Variants in DCAF5 observed in about 807,000 individuals in gnomAD.
The protein encoded by DCAF5 is DDB1- and CUL4-associated factor 5.
A neutral mutation model predicts 80.7 loss-of-function variants in DCAF5; 9 were observed. That is an observed-to-expected ratio of 0.11 (90% confidence interval 0.07 to 0.19). The LOEUF (loss-of-function observed/expected upper bound fraction) is 0.19. Ranked by LOEUF, DCAF5 falls within the 10% of genes least tolerant of loss-of-function variation. The probability of loss-of-function intolerance (pLI) is 1.00; values close to 1 mark genes in which losing one functional copy is unlikely to be tolerated. For synonymous variants in DCAF5, 433 were observed against 461.9 expected (o/e 0.94, Z 0.80); for missense variants, 842 against 1,205.7 (o/e 0.70, Z 4.47).
chr14:69,152,158 C>T lies in DCAF5; in HGVS notation c.214+607G>A, dbSNP rs1333849924. Among the ~76,000 whole-genome samples, 40 of 152,212 alleles carry T rather than the reference C, an allele frequency of 2.6e-4. No homozygotes were observed. Among genetic ancestry groups the T allele is most frequent in the Admixed American group, 2.6e-3 (40 of 15,290 alleles). ...GAAGAGGCCACAACCGAACGAAAGG[C>T]GATGGTGCTGGGCCTCTAAGAGCGC... On this transcript the variant is annotated intron_variant, in intron 1 of 8. Coordinates refer to ENST00000341516, the MANE Select transcript of DCAF5 (RefSeq NM_003861.3). This position sits in a 1 kb window ranked among gnomAD's most constrained non-coding sequence, Gnocchi z 4.1.
chr14:69,088,652 T>G (rs1175999572), intron 6 of DCAF5, among the ~76,000 whole-genome samples: 1 of 152,234 alleles, frequency 6.6e-6, no homozygotes, highest in Non-Finnish European at 1.5e-5. Context: ...TCATCCATGT[T>G]CATTCCTATT....
chr14:69,051,483 A>G lies in DCAF5; in HGVS notation c.*2374T>C, dbSNP rs1185907015. On this transcript the variant is annotated 3_prime_UTR_variant, in exon 9 of 9. Transcript: ENST00000341516. ...CTCATGTGTGTGTCTTATGGGGCCT[A>G]TCACCCGGTAAGCTGAGCCTAGGAT... 1 of 152,210 alleles carries G rather than the reference A, an allele frequency of 6.6e-6. No individual in the cohort carries two copies. Among genetic ancestry groups the G allele is most frequent in the Non-Finnish European group, 1.5e-5 (1 of 68,032 alleles). The allele number at this position is 152,210 out of a possible 1,614,324, so 9.4% of individuals were successfully genotyped here. A position where few individuals can be genotyped will look rare whatever the true frequency, so the allele number is the denominator to read the frequency against.
chr14:69,102,382 C>T (rs769700654), intron 5 of DCAF5, among the ~76,000 whole-genome samples: 15 of 151,976 alleles, frequency 9.9e-5, no homozygotes, highest in Non-Finnish European at 2.2e-4. Flanking sequence ...GCTGGGATTA[C>T]GGGCATGAGC....
rs565353945 is a variant in DCAF5, at chr14:69,101,835, T to C, written c.666-9948A>G. Among the ~76,000 whole-genome samples, 10 of 152,314 alleles carry C rather than the reference T, an allele frequency of 6.6e-5. No homozygotes were observed. The South Asian group carries it at 2.1e-3, about 32-fold the overall frequency. On this transcript the variant is annotated intron_variant, in intron 5 of 8. Coordinates refer to ENST00000341516, the MANE Select transcript of DCAF5 (RefSeq NM_003861.3). ...CAACTGTAACACAATGGGTAAGTAT[T>C]TGTGTATCTAAACATTTAAAAGCCA...
chr14:69,142,140 A>T (rs917558552), intron 1 of DCAF5, among the ~76,000 whole-genome samples: 5 of 151,998 alleles, frequency 3.3e-5, no homozygotes, highest in Admixed American at 6.6e-5. Context: ...ACAAAAAAAA[A>T]TTTTTTTTAA....
At chr14:69,110,270 C>CTTTT (rs538619956) in intron 5 of DCAF5, among the ~76,000 whole-genome samples, 7 of 106,824 alleles carry the variant, frequency 6.6e-5, no homozygotes, top group Non-Finnish European at 9.4e-5. Flanking sequence ...TTTTCACTTA[C>CTTTT]TTTTTTTTTT....
In DCAF5 at chr14:69,138,059, T is replaced by C. The variant is rs530650120; in HGVS notation, c.214+14706A>G. Among the ~76,000 whole-genome samples, 9 of 151,826 alleles carry C rather than the reference T, an allele frequency of 5.9e-5. No homozygotes were observed. In the South Asian group the frequency reaches 8.3e-4, roughly 14 times the overall value. ...GTCTAAGGCAAAGCACACACTTGAGTCATCTGTGGCAGCAAGTGATATAAA... is the reference window on the plus strand; with the variant it reads ...GTCTAAGGCAAAGCACACACTTGAGCCATCTGTGGCAGCAAGTGATATAAA... On this transcript the variant is annotated intron_variant, in intron 1 of 8. Transcript: ENST00000341516.
chr14:69,125,089 A>G (rs1445213154), intron 1 of DCAF5, among the ~76,000 whole-genome samples: 1 of 152,182 alleles, frequency 6.6e-6, no homozygotes, highest in Non-Finnish European at 1.5e-5. Context: ...ATCACACAAT[A>G]AAGTCATTGA....
intron 5 of DCAF5, among the ~76,000 whole-genome samples, chr14:69,093,216 T>G (rs1296670159): frequency 6.6e-6 from 1 of 152,230 alleles, no homozygotes; most frequent in Non-Finnish European, 1.5e-5. Flanking sequence ...TTTGGAGCAC[T>G]GAATTACTGG....
intron 2 of DCAF5, among the ~76,000 whole-genome samples, chr14:69,119,629 C>T (rs2040647603): frequency 6.6e-6 from 1 of 151,298 alleles, no homozygotes; most frequent in Admixed American, 6.6e-5. Context: ...GTGGAAGAAT[C>T]GCTTGAGGTC....
intron 2 of DCAF5, among the ~76,000 whole-genome samples, chr14:69,121,526 G>A (rs1030290859): frequency 2.0e-5 from 3 of 152,196 alleles, no homozygotes; most frequent in Non-Finnish European, 2.9e-5. Flanking sequence ...TTATATAATT[G>A]GGTGAATGGT....
chr14:69,081,686 G>C (rs1260856662), intron 6 of DCAF5, among the ~76,000 whole-genome samples: 1 of 151,994 alleles, frequency 6.6e-6, no homozygotes, highest in Non-Finnish European at 1.5e-5. Context: ...AAAGATTACT[G>C]ACTGGTATTT....
intron 1 of DCAF5, among the ~76,000 whole-genome samples, chr14:69,142,193 G>A (rs865824444): frequency 1.3e-5 from 2 of 152,260 alleles, no homozygotes; most frequent in South Asian, 2.1e-4. Context: ...CCAGCTACTC[G>A]GGAGGCTGAG....
At chr14:69,128,116 T>C (rs540784380) in intron 1 of DCAF5, among the ~76,000 whole-genome samples, 2 of 152,152 alleles carry the variant, frequency 1.3e-5, no homozygotes, top group African/African-American at 4.8e-5. Flanking sequence ...GGATAGATGA[T>C]TAATATGGAC....
intron 3 of DCAF5, 126 bp downstream of exon 3, chr14:69,119,068 A>G (rs1427804942): frequency 4.6e-6 from 4 of 866,442 alleles, no homozygotes; most frequent in Non-Finnish European, 6.8e-6. Context: ...ATTTTTTTAG[A>G]AAAGAACAGC....
rs1455835554 is a variant in DCAF5, at chr14:69,091,822, T to C, written c.731A>G (p.Asn244Ser). The change falls in exon 6 of 9, where the codon AAC becomes AGC. Residue 244 changes from asparagine to serine, a missense_variant. Physicochemically the swap from Asn to Ser is conservative, Grantham distance 46. Around this residue, in one of 5 missense-constraint regions of DCAF5, gnomAD observed 142 missense variants for 311.9 expected, o/e 0.46. Coordinates refer to ENST00000341516, the MANE Select transcript of DCAF5 (RefSeq NM_003861.3). Reference sequence around the variant, plus strand: ...CCTCAGGGCCAGGAGCTGGGTCCCGTTGCTGTTGAATCGTACACTCATGGC... The same window carrying C: ...CCTCAGGGCCAGGAGCTGGGTCCCGCTGCTGTTGAATCGTACACTCATGGC... ...QSAMSVRFNS[N>S]GTQLLALRRR... 1.3e-5 allele frequency: 21 copies of C among 1,614,110 alleles called. No individual in the cohort carries two copies. Among genetic ancestry groups the C allele is most frequent in the Non-Finnish European group, 1.7e-5 (20 of 1,180,006 alleles).
intron 7 of DCAF5, among the ~76,000 whole-genome samples, chr14:69,068,835 A>T (rs73277016): frequency 6.6e-6 from 1 of 152,184 alleles, no homozygotes; most frequent in Non-Finnish European, 1.5e-5. Context: ...GTGTCAAACC[A>T]TAAAGAGGAC....
chr14:69,132,301 CTT>C (rs2140095177), intron 1 of DCAF5, among the ~76,000 whole-genome samples: 1 of 152,264 alleles, frequency 6.6e-6, no homozygotes, highest in Non-Finnish European at 1.5e-5. Context: ...CTTGCCAACT[CTT>C]TTTATTCTTT....
At chr14:69,112,677 A>G (rs1595021605) in intron 5 of DCAF5, among the ~76,000 whole-genome samples, 1 of 152,046 alleles carries the variant, frequency 6.6e-6, no homozygotes. Flanking sequence ...TTTTCTTAAA[A>G]TAAGAATAAT....
Sources: allele counts gnomAD v4.1 joint callset (sites outside exome capture counted in the v4.1 genomes callset), GRCh38; gene constraint gnomAD v4.1.1; regional missense constraint gnomAD v4.1.1; non-coding constraint Gnocchi (gnomAD v3.1); transcripts MANE v1.5; gene names NCBI Gene and HGNC (gene_info 2026-07-23, HGNC 2026-07-21).